Variants in GPC3 observed in about 807,000 individuals in gnomAD.
GPC3 encodes glypican 3.
Under a neutral mutation model 34.4 loss-of-function variants are expected in GPC3, and 3 were observed. The ratio of observed to expected loss-of-function variants is 0.09; its 90% CI spans 0.04 to 0.23. The LOEUF is 0.23. GPC3 is among the 10% of genes least tolerant of loss of function. The pLI, the probability that GPC3 is intolerant of heterozygous loss-of-function variation, is 1.00. For synonymous variants in GPC3, 177 were observed against 174.0 expected (o/e 1.02, Z -0.13); for missense variants, 351 against 445.6 (o/e 0.79, Z 1.91).
At chrX:133,609,841 C>G (rs139190971) in intron 6 of GPC3, among the ~76,000 whole-genome samples, 1 of 112,354 alleles carries the variant, frequency 8.9e-6, no homozygotes, top group Non-Finnish European at 1.9e-5. Context: ...TTCACATCGA[C>G]CTTTCATCCC....
At chrX:133,579,125 T>C (rs956672763) in intron 7 of GPC3, among the ~76,000 whole-genome samples, 1 of 112,110 alleles carries the variant, frequency 8.9e-6, no homozygotes, top group African/African-American at 3.2e-5. Flanking sequence ...CCTACAATTT[T>C]CTTCCCTTTC....
chrX:133,786,280 A>G (rs1299720010), intron 2 of GPC3, among the ~76,000 whole-genome samples: 1 of 111,860 alleles, frequency 8.9e-6, no homozygotes, highest in East Asian at 2.8e-4. Context: ...CTGTAATCCC[A>G]GCTACTCGGG....
rs746756909 is a variant in GPC3 at position 133,887,132 on chromosome X, G to A, written c.337+65918C>T. ...GATGATCCTCCCACCTCAGCCTCCC[G>A]AGCAGATGGGACTACAGGTGCCTGC... On this transcript the variant is annotated intron_variant, in intron 2 of 7. Transcript: ENST00000370818. Among the ~76,000 whole-genome samples, 7 of 111,834 alleles carry A rather than the reference G, an allele frequency of 6.3e-5. No homozygotes were observed. In the East Asian group the frequency reaches 8.4e-4, roughly 13 times the overall value.
At chrX:133,727,501 G>A (rs2071421328) in intron 3 of GPC3, among the ~76,000 whole-genome samples, 1 of 110,050 alleles carries the variant, frequency 9.1e-6, no homozygotes, top group Non-Finnish European at 1.9e-5. Context: ...AGTGGGCCGA[G>A]ATTGCGCCAT....
intron 2 of GPC3, among the ~76,000 whole-genome samples, chrX:133,884,960 A>C (rs1008643745): frequency 5.4e-5 from 6 of 111,718 alleles, no homozygotes; most frequent in Non-Finnish European, 1.1e-4. Context: ...TTAGTCCACC[A>C]CTCTTGACTA....
intron 7 of GPC3, among the ~76,000 whole-genome samples, chrX:133,566,597 A>ACAT (rs1344443126): frequency 8.9e-6 from 1 of 112,186 alleles, no homozygotes; most frequent in Non-Finnish European, 1.9e-5. Flanking sequence ...TACAAAGATC[A>ACAT]CATAGAGTAT....
At chrX:133,583,230 A>G (rs776323645) in intron 7 of GPC3, among the ~76,000 whole-genome samples, 2 of 111,160 alleles carry the variant, frequency 1.8e-5, no homozygotes, top group South Asian at 3.9e-4. Flanking sequence ...TTCTATTTAC[A>G]TGTTTACATC....
chrX:133,792,712 T>G (rs1162933119), intron 2 of GPC3, among the ~76,000 whole-genome samples: 1 of 111,713 alleles, frequency 9.0e-6, no homozygotes, highest in Non-Finnish European at 1.9e-5. Flanking sequence ...CAAATTGGCA[T>G]GTCAGGACCG....
intron 7 of GPC3, among the ~76,000 whole-genome samples, chrX:133,560,033 T>C (rs2069527940): frequency 9.0e-6 from 1 of 111,601 alleles, no homozygotes; most frequent in Non-Finnish European, 1.9e-5. Context: ...CGGACAGGAA[T>C]CCCAGGTCAA....
intron 2 of GPC3, among the ~76,000 whole-genome samples, chrX:133,843,850 C>G (rs1277558098): frequency 8.9e-6 from 1 of 112,176 alleles, no homozygotes; most frequent in African/African-American, 3.2e-5. Flanking sequence ...AAAATTTCTT[C>G]CACAAAGTCA....
chrX:133,954,047 T>C (rs748794970), intron 1 of GPC3, among the ~76,000 whole-genome samples: 18 of 112,228 alleles, frequency 1.6e-4, no homozygotes, highest in Non-Finnish European at 2.6e-4. Flanking sequence ...CATTATGCTA[T>C]GTGAAAGAAG....
At chrX:133,894,489 C>G (rs1295479357) in intron 2 of GPC3, among the ~76,000 whole-genome samples, 1 of 111,813 alleles carries the variant, frequency 8.9e-6, no homozygotes, top group African/African-American at 3.3e-5. Context: ...TTTAAGTTCT[C>G]TAACAATGAC....
intron 2 of GPC3, among the ~76,000 whole-genome samples, chrX:133,945,910 C>T (rs936446689): frequency 9.0e-6 from 1 of 111,628 alleles, no homozygotes; most frequent in African/African-American, 3.3e-5. Flanking sequence ...AAGAAGGTCC[C>T]CCAATTATAT....
At chrX:133,935,090 G>C (rs2076317845) in intron 2 of GPC3, among the ~76,000 whole-genome samples, 1 of 111,636 alleles carries the variant, frequency 9.0e-6, no homozygotes, top group African/African-American at 3.3e-5. Context: ...AGGTAAATCC[G>C]AAACACTTCC....
chrX:133,646,269 T>C (rs2070544263), intron 6 of GPC3, among the ~76,000 whole-genome samples: 1 of 111,014 alleles, frequency 9.0e-6, no homozygotes, highest in Non-Finnish European at 1.9e-5. Flanking sequence ...CTGAAAGCAC[T>C]GGTAATCGGC....
chrX:133,637,371 C>T (rs555014123), intron 6 of GPC3, among the ~76,000 whole-genome samples: 17 of 108,882 alleles, frequency 1.6e-4, no homozygotes, highest in Middle Eastern at 9.3e-3. Flanking sequence ...GAGCCAAGAT[C>T]GTGCCACTGC....
At chrX:133,976,306 A>G (rs1319393611) in intron 1 of GPC3, among the ~76,000 whole-genome samples, 1 of 112,118 alleles carries the variant, frequency 8.9e-6, no homozygotes. Flanking sequence ...GCTGGAAGTC[A>G]GAAGTGACAG....
intron 2 of GPC3, among the ~76,000 whole-genome samples, chrX:133,812,665 C>T (rs1345938875): frequency 8.9e-6 from 1 of 112,139 alleles, no homozygotes; most frequent in Non-Finnish European, 1.9e-5. Context: ...ACTAAATCTA[C>T]GACGTTTGAA....
At chrX:133,902,765 A>G (rs2076149524) in intron 2 of GPC3, among the ~76,000 whole-genome samples, 1 of 112,046 alleles carries the variant, frequency 8.9e-6, no homozygotes, top group Non-Finnish European at 1.9e-5. Flanking sequence ...ATGTAAAACA[A>G]AAAAGAAACT....
Sources: gnomAD v4.1 joint callset for allele counts (sites outside exome capture counted in the v4.1 genomes callset) on GRCh38, gnomAD v4.1.1 for gene constraint, MANE v1.5 for transcripts, NCBI Gene and HGNC (gene_info 2026-07-23, HGNC 2026-07-21) for gene names.